KDM3A: variants seen among roughly 807,000 people sequenced by gnomAD.
The protein encoded by KDM3A is lysine-specific demethylase 3A.
A neutral mutation model predicts 158.0 loss-of-function variants in KDM3A; 60 were observed. The ratio of observed to expected loss-of-function variants is 0.38; its 90% confidence interval spans 0.31 to 0.47. The LOEUF (loss-of-function observed/expected upper bound fraction) is 0.47. Among genes scored for constraint, KDM3A ranks in the 20% least tolerant of loss-of-function variants. The probability of loss-of-function intolerance (pLI) is 0.99; values close to 1 mark genes in which losing one functional copy is unlikely to be tolerated. For synonymous variants in KDM3A, 608 were observed against 549.3 expected (o/e 1.11, Z -1.49); for missense variants, 1,319 against 1,574.3 (o/e 0.84, Z 2.74).
chr2:86,462,605 A>AGT (rs1366008227), intron 8 of KDM3A, among the ~76,000 whole-genome samples: 1 of 152,206 alleles, frequency 6.6e-6, no homozygotes, highest in Non-Finnish European at 1.5e-5. Context: ...TGACTGAAAT[A>AGT]GTGTAATATA....
At chr2:86,455,473 C>T (rs1460437666) in intron 5 of KDM3A, among the ~76,000 whole-genome samples, 2 of 151,576 alleles carry the variant, frequency 1.3e-5, no homozygotes, top group African/African-American at 2.4e-5. Context: ...GTTGGCCAGG[C>T]TGGTGTCAAA....
In KDM3A at chr2:86,492,125, C is replaced by G; in HGVS notation, c.*6C>G. On this transcript the variant is annotated 3_prime_UTR_variant, in exon 26 of 26. Coordinates refer to ENST00000312912, the MANE Select transcript of KDM3A (RefSeq NM_018433.6). ...CCAGTTTTGGCAAACCTTAATCTCC[C>G]TGCACATTGGAAATGAATTACAGGC... 2 of 1,604,920 alleles carry G rather than the reference C, an allele frequency of 1.2e-6. No individual in the cohort carries two copies. Among genetic ancestry groups the G allele is most frequent in the Non-Finnish European group, 1.7e-6 (2 of 1,172,038 alleles).
At chr2:86,438,473 A>T (rs1682528179), upstream of KDM3A, among the ~76,000 whole-genome samples, 1 of 152,044 alleles carries the variant, frequency 6.6e-6, no homozygotes, top group Non-Finnish European at 1.5e-5. Context: ...ATATTTGAAA[A>T]TTGCTAAGAG....
chr2:86,453,534 G>A (rs1161203107), intron 4 of KDM3A, among the ~76,000 whole-genome samples: 6 of 152,098 alleles, frequency 3.9e-5, no homozygotes, highest in Admixed American at 3.3e-4. Flanking sequence ...TTGCACTTTC[G>A]TTAAGCCCTA....
At chr2:86,475,645 C>A (rs1219204445) in intron 12 of KDM3A, among the ~76,000 whole-genome samples, 1 of 152,156 alleles carries the variant, frequency 6.6e-6, no homozygotes, top group Admixed American at 6.5e-5. Context: ...GTCTTCCTAT[C>A]CATGTCCCTC....
Position 86,480,218 on chromosome 2 carries a change from C to A in KDM3A, c.2368C>A (p.Pro790Thr). ...TCTTGGTGCAGTGCTCCAGCAGAAT[C>A]CCTCAGTGTTGGAGCCAGCAGCTGT... ...PTLGAVLQQN[P>T]SVLEPAAVGG... Residue 790 changes from proline (P) to threonine (T), a missense_variant, in exon 16 of 26, where the codon CCC becomes ACC. Pro to Thr is a conservative substitution (Grantham distance 38). This residue lies in a region of KDM3A where 368 missense variants were observed against 415.8 expected (regional missense o/e 0.89). Transcript: ENST00000312912. 1 of 1,613,600 alleles carries A rather than the reference C, an allele frequency of 6.2e-7. No homozygotes were observed. Among genetic ancestry groups the A allele is most frequent in the Non-Finnish European group, 8.5e-7 (1 of 1,180,022 alleles).
At position 86,485,617 on chromosome 2, in the gene KDM3A, C is replaced by T. The variant is rs1039925681; in HGVS notation, c.3183-112C>T. ...TAAATATTTGATGGCTGTCAGTCTG[C>T]ATGATCACAGATGGATTTGTTCCTT... On this transcript the variant is annotated intron_variant, in intron 20 of 25. Transcript: ENST00000312912. The T allele has an allele frequency of 7.9e-6, 10 of 1,265,926 alleles. No homozygotes were observed. In the Admixed American group the frequency reaches 7.9e-5, roughly 10 times the overall value. The allele number at this position is 1,265,926 out of a possible 1,614,324, so 78.4% of individuals were successfully genotyped here.
At chr2:86,485,464 TAAG>T (rs759706361) in intron 20 of KDM3A, among the ~76,000 whole-genome samples, 7 of 152,238 alleles carry the variant, frequency 4.6e-5, no homozygotes, top group Non-Finnish European at 1.0e-4. Context: ...GATATATCTC[TAAG>T]AATAACTTTT....
chr2:86,464,299 G>T, intron 9 of KDM3A, 83 bp downstream of exon 9: 13 of 1,057,594 alleles, frequency 1.2e-5, no homozygotes, highest in Non-Finnish European at 1.7e-5. Flanking sequence ...ATCCCTGGTT[G>T]TCCAGGGAGG....
intron 24 of KDM3A, 37 bp from the exon 25 acceptor site, chr2:86,491,104 T>C (rs369837449): frequency 5.0e-6 from 8 of 1,613,116 alleles, no homozygotes; most frequent in South Asian, 2.2e-5. Context: ...CATGAACTTT[T>C]GGGTTTGTTA....
In KDM3A at chr2:86,449,804, T is replaced by C. The variant is rs967485788; in HGVS notation, c.187-3T>C. The C allele has an allele frequency of 1.2e-6, 2 of 1,609,816 alleles. No individual in the cohort carries two copies. Among genetic ancestry groups the C allele is most frequent in the African/African-American group, 2.7e-5 (2 of 74,568 alleles). ...CCCCCACCCCCCAATTTTGTCTGTC[T>C]AGGTGTGTGTGGAATTTGATGGGGA... On this transcript the variant is annotated splice_polypyrimidine_tract_variant and splice_region_variant and intron_variant, in intron 2 of 25. Transcript: ENST00000312912.
chr2:86,466,475 A>G lies in KDM3A; in HGVS notation c.1111A>G (p.Lys371Glu), dbSNP rs760442746. ...PDVCKAGLLS[K>E]SSQIGTGDLK... Reference sequence around the variant, plus strand: ...TGTCTGCAAAGCAGGGTTGCTCTCAAAGTCCTCTCAGATTGGAACTGGAGA... The same window carrying G: ...TGTCTGCAAAGCAGGGTTGCTCTCAGAGTCCTCTCAGATTGGAACTGGAGA... The change falls in exon 10 of 26, where the codon AAG becomes GAG. Residue 371 changes from lysine (K) to glutamate (E), a missense_variant. This residue lies in a region of KDM3A where 652 missense variants were observed against 627.2 expected (regional missense o/e 1.04). Transcript: ENST00000312912. The G allele has an allele frequency of 1.8e-5, 29 of 1,613,800 alleles. No homozygotes were observed. In the African/African-American group the frequency reaches 2.9e-4, roughly 16 times the overall value.
chr2:86,460,165 A>G (rs757286660), intron 8 of KDM3A, among the ~76,000 whole-genome samples: 1 of 152,224 alleles, frequency 6.6e-6, no homozygotes, highest in African/African-American at 2.4e-5. Flanking sequence ...AATGTAATGT[A>G]AGGAAATACT....
At chr2:86,488,942 T>G (rs1208583882) in intron 21 of KDM3A, 5 of 199,756 alleles carry the variant, frequency 2.5e-5, no homozygotes, top group Admixed American at 1.1e-4. Context: ...TATGTGTGTG[T>G]GTGGGTGGGT....
chr2:86,479,922 G>A (rs1673840930), intron 15 of KDM3A: 3 of 515,004 alleles, frequency 5.8e-6, no homozygotes, highest in African/African-American at 1.9e-5. Context: ...TACCAGCAGG[G>A]GCTGGTGAAA....
intron 20 of KDM3A, 114 bp from the exon 21 acceptor site, chr2:86,485,615 T>C: frequency 8.0e-7 from 1 of 1,246,122 alleles, no homozygotes; most frequent in Middle Eastern, 2.0e-4. Flanking sequence ...GCTGTCAGTC[T>C]GCATGATCAC....
At chr2:86,471,782 A>G (rs1012379298) in intron 11 of KDM3A, among the ~76,000 whole-genome samples, 5 of 152,194 alleles carry the variant, frequency 3.3e-5, no homozygotes, top group African/African-American at 1.2e-4. Context: ...CACGTCATAA[A>G]GCATGTGGGT....
At chr2:86,449,785 C>A (rs534801844) in intron 2 of KDM3A, 22 bp from the exon 3 acceptor site, 1 of 1,571,682 alleles carries the variant, frequency 6.4e-7, no homozygotes, top group Non-Finnish European at 8.6e-7. Context: ...GCTTCCCCCA[C>A]CCCCCAATTT....
At chr2:86,455,953 C>CAAAAA (rs574299612) in intron 5 of KDM3A, among the ~76,000 whole-genome samples, 58 of 53,854 alleles carry the variant, frequency 1.1e-3, no homozygotes, top group Admixed American at 1.6e-3. Flanking sequence ...GACCCTGTCT[C>CAAAAA]AAAAAAAAAA....
Sources: allele counts gnomAD v4.1 joint callset (sites outside exome capture counted in the v4.1 genomes callset), GRCh38; gene constraint gnomAD v4.1.1; regional missense constraint gnomAD v4.1.1; transcripts MANE v1.5; gene names NCBI Gene and HGNC (gene_info 2026-07-23, HGNC 2026-07-21).